Variants in METTL15 observed in about 807,000 individuals in gnomAD.
The protein encoded by METTL15 is methyltransferase 15, mitochondrial 12S rRNA N4-cytidine.
METTL15 carries 34 observed loss-of-function variants against 38.3 expected under a neutral mutation model. The observed-to-expected ratio is 0.89, with a 90% CI of 0.68 to 1.18. The LOEUF (loss-of-function observed/expected upper bound fraction) is 1.18. Ranked by LOEUF, METTL15 falls within the 50% of genes most tolerant of loss-of-function variation. METTL15 has a pLI of 0.00. For synonymous variants in METTL15, 162 were observed against 170.9 expected (o/e 0.95, Z 0.41); for missense variants, 438 against 498.4 (o/e 0.88, Z 1.15).
chr11:28,211,639 A>G (rs988801185), intron 4 of METTL15, among the ~76,000 whole-genome samples: 1 of 152,114 alleles, frequency 6.6e-6, no homozygotes, highest in Non-Finnish European at 1.5e-5. Context: ...TCTGAAATTC[A>G]CAAGTAAATC....
intron 3 of METTL15, among the ~76,000 whole-genome samples, chr11:28,136,226 T>G (rs1226952054): frequency 6.6e-6 from 1 of 152,188 alleles, no homozygotes; most frequent in Non-Finnish European, 1.5e-5. Flanking sequence ...CCTTGAATTG[T>G]AATAATCCCC....
At chr11:28,505,526 G>C (rs777172428) in intron 6 of METTL15, among the ~76,000 whole-genome samples, 41 of 152,150 alleles carry the variant, frequency 2.7e-4, no homozygotes, top group Non-Finnish European at 4.4e-4. Flanking sequence ...AATCCTCACA[G>C]GATGTTTTTA....
chr11:28,177,365 G>T (rs1179721191), intron 3 of METTL15, among the ~76,000 whole-genome samples: 1 of 151,858 alleles, frequency 6.6e-6, no homozygotes, highest in African/African-American at 2.4e-5. Flanking sequence ...GAAAAATGCT[G>T]GTTTCTTCAA....
chr11:28,238,247 GGTGGGCTCCACCCA>G (rs1468003385), intron 4 of METTL15, among the ~76,000 whole-genome samples: 2 of 152,190 alleles, frequency 1.3e-5, no homozygotes, highest in African/African-American at 4.8e-5. Flanking sequence ...CTTGAGCTGT[GGTGGGCTCCACCCA>G]GTGCGAGCTT....
chr11:28,529,031 G>C (rs1341737152), downstream of METTL15, among the ~76,000 whole-genome samples: 1 of 152,048 alleles, frequency 6.6e-6, no homozygotes, highest in Non-Finnish European at 1.5e-5. Context: ...CAATTTCTAG[G>C]GTCCATGAAT....
intron 3 of METTL15, among the ~76,000 whole-genome samples, chr11:28,120,649 C>T (rs941331940): frequency 2.0e-5 from 3 of 152,140 alleles, no homozygotes; most frequent in Non-Finnish European, 4.4e-5. Context: ...TTTCCCTCTT[C>T]TTGAATTTTG....
At chr11:28,272,612 A>C (rs1048394119) in intron 4 of METTL15, among the ~76,000 whole-genome samples, 3 of 152,180 alleles carry the variant, frequency 2.0e-5, no homozygotes, top group African/African-American at 7.2e-5. Flanking sequence ...AGAAATGCCT[A>C]ATGTAGATGA....
At chr11:28,297,704 T>C (rs1789537491) in intron 6 of METTL15, among the ~76,000 whole-genome samples, 1 of 152,138 alleles carries the variant, frequency 6.6e-6, no homozygotes. Context: ...AGAATTCCAA[T>C]GGTAAAATTT....
At chr11:28,468,366 G>A (rs887412743) in intron 6 of METTL15, among the ~76,000 whole-genome samples, 1 of 152,130 alleles carries the variant, frequency 6.6e-6, no homozygotes, top group African/African-American at 2.4e-5. Flanking sequence ...ATGAAGAGAT[G>A]GTAGTGCGTT....
At chr11:28,151,503 C>G (rs1249693783) in intron 3 of METTL15, among the ~76,000 whole-genome samples, 1 of 151,964 alleles carries the variant, frequency 6.6e-6, no homozygotes. Flanking sequence ...TGCCAACATG[C>G]GTTACTTCCT....
chr11:28,266,640 C>T (rs936389170), intron 4 of METTL15, among the ~76,000 whole-genome samples: 2 of 152,132 alleles, frequency 1.3e-5, no homozygotes, highest in Non-Finnish European at 2.9e-5. Flanking sequence ...CTTATTGCCT[C>T]TAACTTCAAA....
chr11:28,373,341 T>C (rs1215403135), intron 5 of METTL15, among the ~76,000 whole-genome samples: 1 of 152,064 alleles, frequency 6.6e-6, no homozygotes, highest in African/African-American at 2.4e-5. Context: ...TATCTCATTG[T>C]GGTTTTGATT....
In METTL15 at chr11:28,296,808, C is replaced by T. The variant is rs747084052; in HGVS notation, c.655C>T (p.Leu219Phe). Reference protein sequence around the residue: ...DVVNALDQQALASILRTYGEE... With the variant: ...DVVNALDQQAFASILRTYGEE... ...TGTGAATGCTTTAGATCAACAGGCA[C>T]TTGCATCTATCCTAAGAACATACGG... Residue 219 changes from leucine (L) to phenylalanine (F), a missense_variant, in exon 6 of 7, where the codon CTT (leucine) becomes TTT (phenylalanine). Leu to Phe is a conservative substitution (Grantham distance 22). Coordinates refer to ENST00000407364, the MANE Select transcript of METTL15 (RefSeq NM_001113528.2). The T allele has an allele frequency of 2.2e-5, 36 of 1,613,372 alleles. No individual in the cohort carries two copies. Among genetic ancestry groups the T allele is most frequent in the African/African-American group, 5.3e-5 (4 of 74,830 alleles).
chr11:28,196,267 A>G (rs1240702605), intron 3 of METTL15, among the ~76,000 whole-genome samples: 1 of 152,006 alleles, frequency 6.6e-6, no homozygotes, highest in East Asian at 1.9e-4. Flanking sequence ...TAGCAGTTGC[A>G]TTTAATATAT....
In METTL15 at chr11:28,476,057, C is replaced by T. The variant is rs149177601; in HGVS notation, c.*425-50421C>T. On this transcript the variant is annotated intron_variant and NMD_transcript_variant, in intron 6 of 7. Transcript: ENST00000532947. ...TTCATCTGACTTCTGTTTGCTTCCG[C>T]AGAACCAGGCTTGCTAGGGGTAGTA... Among the ~76,000 whole-genome samples the T allele has an allele frequency of 9.2e-5, 14 of 152,314 alleles. No homozygotes were observed. In the East Asian group the frequency reaches 2.7e-3, roughly 29 times the overall value.
intron 3 of METTL15, among the ~76,000 whole-genome samples, chr11:28,151,027 A>G (rs781358929): frequency 2.3e-4 from 34 of 148,526 alleles, no homozygotes; most frequent in Non-Finnish European, 4.3e-4. Context: ...AAAAAAAAAG[A>G]AAAGGAAAAA....
intron 3 of METTL15, among the ~76,000 whole-genome samples, chr11:28,341,781 C>T (rs1271007968): frequency 2.0e-5 from 3 of 152,248 alleles, no homozygotes; most frequent in South Asian, 4.1e-4. Flanking sequence ...ATTGGACATG[C>T]CAGTGTACTC....
intron 3 of METTL15, among the ~76,000 whole-genome samples, chr11:28,205,930 C>T (rs1193391396): frequency 6.7e-6 from 1 of 149,248 alleles, no homozygotes; most frequent in Non-Finnish European, 1.5e-5. Flanking sequence ...TGCTCATGTC[C>T]TTCGCCCACT....
chr11:28,509,920 T>A (rs1056514950), intron 6 of METTL15, among the ~76,000 whole-genome samples: 32 of 152,166 alleles, frequency 2.1e-4, no homozygotes, highest in African/African-American at 7.2e-4. Flanking sequence ...AGGTATCATT[T>A]TTTTTTTCTA....
Sources: gnomAD v4.1 joint callset for allele counts (sites outside exome capture counted in the v4.1 genomes callset) on GRCh38, gnomAD v4.1.1 for gene constraint, MANE v1.5 for transcripts, NCBI Gene and HGNC (gene_info 2026-07-23, HGNC 2026-07-21) for gene names.